The following PCDHGA9 variants were observed in gnomAD, a reference collection of about 807,000 sequenced individuals.
PCDHGA9 encodes protocadherin gamma subfamily A, 9, also known as protocadherin gamma-A9.
A neutral mutation model predicts 62.5 loss-of-function variants in PCDHGA9; 37 were observed. That is an observed-to-expected ratio of 0.59 (90% CI 0.46 to 0.78). The LOEUF (loss-of-function observed/expected upper bound fraction) is 0.78. PCDHGA9 is among the 30% of genes least tolerant of loss of function. PCDHGA9 has a pLI of 0.00. For synonymous variants in PCDHGA9, 459 were observed against 484.6 expected, an observed-to-expected ratio of 0.95 and a Z score of 0.69; for missense variants, 1,138 against 1,166.2, an observed-to-expected ratio of 0.98 and a Z score of 0.35.
At chr5:141,406,002 A>G (rs1348687108) in intron 1 of PCDHGA9, among the ~76,000 whole-genome samples, 1 of 151,598 alleles carries the variant, frequency 6.6e-6, no homozygotes, top group Non-Finnish European at 1.5e-5. Flanking sequence ...CTCAGCCTGC[A>G]TTGATGTGGG....
chr5:141,457,959 T>C (rs1426112930), intron 1 of PCDHGA9, among the ~76,000 whole-genome samples: 3 of 152,208 alleles, frequency 2.0e-5, no homozygotes, highest in Admixed American at 2.0e-4. Flanking sequence ...CAAGCTTGAT[T>C]CCTTAAAGGG....
At position 141,432,778 on chromosome 5, in the gene PCDHGA9, G is replaced by T; in HGVS notation, c.2424+27402G>T. The T allele has an allele frequency of 3.7e-6, 6 of 1,614,166 alleles. No individual in the cohort carries two copies. Among genetic ancestry groups the T allele is most frequent in the Non-Finnish European group, 5.1e-6 (6 of 1,180,002 alleles). ...CCGACAGCATCCCCCAAGTCCTGGCGGACCTCGGCAGCCTCGAGTCTCCAG... is the reference window on the plus strand; with the variant it reads ...CCGACAGCATCCCCCAAGTCCTGGCTGACCTCGGCAGCCTCGAGTCTCCAG... On this transcript the variant is annotated intron_variant, in intron 1 of 3. Transcript: ENST00000573521. The surrounding 1 kb of genome is among the most constrained non-coding windows in gnomAD (Gnocchi z 6.0).
intron 1 of PCDHGA9, chr5:141,410,146 C>G: frequency 6.2e-7 from 1 of 1,612,390 alleles, no homozygotes. Flanking sequence ...CTGTGCGTGA[C>G]GGTGGACAGC....
chr5:141,421,864 C>T (rs1561797174), intron 1 of PCDHGA9: 2 of 1,613,766 alleles, frequency 1.2e-6, no homozygotes, highest in Non-Finnish European at 1.7e-6. Context: ...CCTGCTCCTC[C>T]TCACAGCTTT....
chr5:141,503,221 C>T (rs528636727), intron 2 of PCDHGA9, among the ~76,000 whole-genome samples: 34 of 152,074 alleles, frequency 2.2e-4, no homozygotes, highest in Middle Eastern at 6.8e-3. Flanking sequence ...CCATGAGCAC[C>T]GTAAAGATGG....
At chr5:141,414,320 A>C (rs372261571) in intron 1 of PCDHGA9, 7 of 1,613,840 alleles carry the variant, frequency 4.3e-6, no homozygotes, top group Non-Finnish European at 5.9e-6. Flanking sequence ...GACTCTGAGC[A>C]GAATGGACAG....
At chr5:141,447,520 T>C (rs1156521785) in intron 1 of PCDHGA9, among the ~76,000 whole-genome samples, 1 of 152,202 alleles carries the variant, frequency 6.6e-6, no homozygotes, top group Non-Finnish European at 1.5e-5. Context: ...ATAACAATCA[T>C]AACAAAATTG....
At chr5:141,444,152 A>ATTTTT (rs747671382) in intron 1 of PCDHGA9, among the ~76,000 whole-genome samples, 10 of 33,898 alleles carry the variant, frequency 3.0e-4, no homozygotes, top group Middle Eastern at 0.019. Context: ...TGTGTACTGG[A>ATTTTT]TTTTTTTTTT....
intron 1 of PCDHGA9, chr5:141,423,111 T>C (rs1394665462): frequency 3.1e-6 from 5 of 1,613,718 alleles, no homozygotes; most frequent in South Asian, 1.1e-5. Flanking sequence ...GCGAGGTGCG[T>C]ACAGCGCGGG....
intron 1 of PCDHGA9, chr5:141,409,624 G>A (rs747166507): frequency 2.5e-6 from 4 of 1,613,846 alleles, no homozygotes; most frequent in Non-Finnish European, 3.4e-6. Flanking sequence ...TTGCGCAAGT[G>A]AGCGCCTCTG....
intron 1 of PCDHGA9, chr5:141,441,955 A>G: frequency 3.1e-6 from 1 of 320,028 alleles, no homozygotes; most frequent in Non-Finnish European, 6.0e-6. Context: ...GCAGGCCAGC[A>G]AGCCCAGGCT....
intron 2 of PCDHGA9, among the ~76,000 whole-genome samples, chr5:141,499,016 GGAAGGAA>G (rs2099788564): frequency 7.0e-6 from 1 of 143,496 alleles, no homozygotes; most frequent in Non-Finnish European, 1.5e-5. Flanking sequence ...AAGGAAGGAA[GGAAGGAA>G]GGAAGAAAAG....
At chr5:141,413,986 A>G (rs1464771336) in intron 1 of PCDHGA9, 1 of 1,613,554 alleles carries the variant, frequency 6.2e-7, no homozygotes, top group Admixed American at 1.7e-5. Flanking sequence ...AGTCACAGCC[A>G]CCGACAGGGA....
intron 1 of PCDHGA9, among the ~76,000 whole-genome samples, chr5:141,463,418 C>T (rs1442067485): frequency 3.6e-5 from 5 of 138,240 alleles, no homozygotes; most frequent in Admixed American, 2.9e-4. Flanking sequence ...TCCTAGTTTG[C>T]GGATCCTCAT....
chr5:141,426,431 A>G (rs916399837), intron 1 of PCDHGA9: 1 of 297,328 alleles, frequency 3.4e-6, no homozygotes, highest in Non-Finnish European at 6.7e-6. Context: ...GTGGTGGGGA[A>G]CCTTGCGGAG....
At chr5:141,426,448 C>T (rs1289310586) in intron 1 of PCDHGA9, 4 of 307,946 alleles carry the variant, frequency 1.3e-5, no homozygotes, top group Middle Eastern at 1.2e-3. Context: ...GGAGGACATG[C>T]GGCTGCATGT....
chr5:141,471,036 C>A (rs1437409726), intron 1 of PCDHGA9, among the ~76,000 whole-genome samples: 1 of 144,908 alleles, frequency 6.9e-6, no homozygotes, highest in Admixed American at 7.0e-5. Context: ...TATTAACAAG[C>A]CCAAGCCCTC....
At chr5:141,436,208 A>G (rs1287696925) in intron 1 of PCDHGA9, among the ~76,000 whole-genome samples, 1 of 152,152 alleles carries the variant, frequency 6.6e-6, no homozygotes, top group Non-Finnish European at 1.5e-5. Context: ...CATAATAGGA[A>G]AACAAATGAC....
chr5:141,404,928 C>A lies in PCDHGA9; in HGVS notation c.1976C>A (p.Thr659Lys), dbSNP rs145718404. The part of the protein sequence containing the change: ...HGQPPLSATV[T>K]LTVAIADSIP... The stretch of plus-strand genomic sequence containing the variant: ...CAGCCCCCTCTCTCGGCCACTGTCA[C>A]GCTCACAGTAGCCATAGCTGACAGC... The change falls in exon 1 of 4, where the codon ACG becomes AAG. Residue 659 changes from threonine to lysine, a missense_variant. Physicochemically the swap from Thr to Lys is moderately conservative, Grantham distance 78. Coordinates refer to ENST00000573521, the MANE Select transcript of PCDHGA9 (RefSeq NM_018921.3). The A allele has an allele frequency of 1.9e-6, 3 of 1,613,866 alleles. No individual in the cohort carries two copies. In the South Asian group the frequency reaches 3.3e-5, roughly 18 times the overall value.
Sources: allele counts gnomAD v4.1 joint callset (sites outside exome capture counted in the v4.1 genomes callset), GRCh38; gene constraint gnomAD v4.1.1; non-coding constraint Gnocchi (gnomAD v3.1); transcripts MANE v1.5; gene names NCBI Gene and HGNC (gene_info 2026-07-23, HGNC 2026-07-21).